The following PPFIA2 variants were observed in gnomAD, a reference collection of about 807,000 sequenced individuals.
PPFIA2 encodes PPFI scaffold protein A2.
In PPFIA2, 46 loss-of-function variants were observed where a neutral mutation model predicts 175.5. The observed-to-expected ratio is 0.26, with a 90% CI of 0.21 to 0.34. The LOEUF (loss-of-function observed/expected upper bound fraction) is 0.34. Ranked by LOEUF, PPFIA2 falls within the 10% of genes least tolerant of loss-of-function variation. The pLI, the probability that PPFIA2 is intolerant of heterozygous loss-of-function variation, is 1.00. For missense variants in PPFIA2, 1,179 were observed against 1,506.1 expected (o/e 0.78, Z 3.60); for synonymous variants, 568 against 511.4 (o/e 1.11, Z -1.49).
rs145068175 is a variant in PPFIA2 at position 81,480,758 on chromosome 12, T to C, written c.304-22892A>G. 1.4e-3 allele frequency among the ~76,000 whole-genome samples: 219 copies of C among 152,236 alleles called. 2 individuals are homozygous for C. The highest frequency in any genetic ancestry group is 4.4e-3 in the African/African-American group (182 of 41,550). ...CAGAGGAGGCTGCAGACAGCAAAGA[T>C]TGCTGCCTGTTCCTTCATCTGGAAG... On this transcript the variant is annotated intron_variant, in intron 4 of 32. Transcript: ENST00000549396.
intron 4 of PPFIA2, among the ~76,000 whole-genome samples, chr12:81,463,205 A>G (rs2054971022): frequency 1.3e-5 from 2 of 152,170 alleles, no homozygotes; most frequent in African/African-American, 4.8e-5. Flanking sequence ...TTTCAAAAAT[A>G]TAATTTTGAG....
At chr12:81,263,888 C>T (rs1052837799) in intron 30 of PPFIA2, among the ~76,000 whole-genome samples, 3 of 151,952 alleles carry the variant, frequency 2.0e-5, no homozygotes, top group Admixed American at 6.6e-5. Flanking sequence ...GACACTGTAG[C>T]CTATTATAAT....
chr12:81,331,156 T>C (rs2056040147), intron 21 of PPFIA2, among the ~76,000 whole-genome samples: 1 of 152,278 alleles, frequency 6.6e-6, no homozygotes, highest in Non-Finnish European at 1.5e-5. Context: ...GGGCTGCATT[T>C]ATGACAGTGT....
At chr12:81,288,061 T>G (rs1025395991) in intron 24 of PPFIA2, among the ~76,000 whole-genome samples, 1 of 151,814 alleles carries the variant, frequency 6.6e-6, no homozygotes, top group African/African-American at 2.4e-5. Context: ...TTATAAAATT[T>G]CAATTATATT....
intron 2 of PPFIA2, among the ~76,000 whole-genome samples, chr12:81,755,371 G>C (rs561578576): frequency 3.9e-4 from 59 of 152,058 alleles, no homozygotes; most frequent in Non-Finnish European, 7.8e-4. Flanking sequence ...TAGATGGCTT[G>C]GTTTTGCAAA....
At chr12:81,540,600 C>T (rs967076684) in intron 4 of PPFIA2, among the ~76,000 whole-genome samples, 3 of 151,918 alleles carry the variant, frequency 2.0e-5, no homozygotes, top group Non-Finnish European at 4.4e-5. Context: ...ATAAATGTAG[C>T]TCTTTAGGAG....
chr12:81,359,552 ACCTT>A (rs2061334324), intron 15 of PPFIA2, among the ~76,000 whole-genome samples: 1 of 151,846 alleles, frequency 6.6e-6, no homozygotes, highest in African/African-American at 2.4e-5. Flanking sequence ...GATTTTAGTC[ACCTT>A]CCTATGTCCA....
chr12:81,471,120 T>C (rs2056645253), intron 4 of PPFIA2: 1 of 143,842 alleles, frequency 7.0e-6, no homozygotes, highest in Non-Finnish European at 1.5e-5. Flanking sequence ...TATTTATTTA[T>C]TTATTTATTT....
intron 14 of PPFIA2, among the ~76,000 whole-genome samples, chr12:81,365,032 T>C (rs572629070): frequency 9.6e-4 from 145 of 151,832 alleles, no homozygotes; most frequent in Non-Finnish European, 1.9e-3. Context: ...ATAGAATATA[T>C]AAACTCTCTC....
intron 28 of PPFIA2, among the ~76,000 whole-genome samples, chr12:81,274,489 C>G (rs558359466): frequency 6.6e-6 from 1 of 152,008 alleles, no homozygotes; most frequent in African/African-American, 2.4e-5. Context: ...TTAATTCAAA[C>G]GTTTCCTCCT....
At chr12:81,675,157 CTAT>C (rs1399208132) in intron 4 of PPFIA2, among the ~76,000 whole-genome samples, 1 of 151,528 alleles carries the variant, frequency 6.6e-6, no homozygotes, top group Non-Finnish European at 1.5e-5. Flanking sequence ...AAAAATCTAT[CTAT>C]CTAAGTATAC....
At chr12:81,574,677 A>G (rs1345913673) in intron 4 of PPFIA2, among the ~76,000 whole-genome samples, 1 of 151,192 alleles carries the variant, frequency 6.6e-6, no homozygotes, top group African/African-American at 2.4e-5. Flanking sequence ...TGTAGTTACC[A>G]TGGTGTTTTT....
intron 3 of PPFIA2, among the ~76,000 whole-genome samples, chr12:81,682,309 C>T (rs1169465623): frequency 6.6e-6 from 1 of 151,936 alleles, no homozygotes; most frequent in African/African-American, 2.4e-5. Flanking sequence ...AGAGCACCCT[C>T]AGAAGAAATA....
At chr12:81,461,456 C>T (rs147699139) in intron 4 of PPFIA2, among the ~76,000 whole-genome samples, 15 of 152,210 alleles carry the variant, frequency 9.9e-5, no homozygotes, top group African/African-American at 3.4e-4. Context: ...CATTTGTTGA[C>T]CACTTACCAC....
chr12:81,752,759 C>T (rs940859956), intron 3 of PPFIA2, among the ~76,000 whole-genome samples: 1 of 152,100 alleles, frequency 6.6e-6, no homozygotes, highest in African/African-American at 2.4e-5. Context: ...ATCTTTGCTA[C>T]AAGCCATAAC....
intron 3 of PPFIA2, among the ~76,000 whole-genome samples, chr12:81,750,626 T>C (rs928302486): frequency 6.6e-6 from 1 of 152,142 alleles, no homozygotes. Context: ...TGGAATGATG[T>C]GAAATTATCA....
At chr12:81,541,209 G>A (rs553776111) in intron 4 of PPFIA2, among the ~76,000 whole-genome samples, 1 of 151,898 alleles carries the variant, frequency 6.6e-6, no homozygotes. Context: ...GAATCAGTTA[G>A]GCTGTTTCCA....
chr12:81,440,146 A>G, intron 6 of PPFIA2, 100 bp from the exon 7 acceptor site: 3 of 811,776 alleles, frequency 3.7e-6, no homozygotes, highest in Non-Finnish European at 5.6e-6. Flanking sequence ...CAATTTGGCA[A>G]ATTATTAAAG....
At chr12:81,311,819 G>T (rs1483615616) in intron 22 of PPFIA2, among the ~76,000 whole-genome samples, 1 of 151,914 alleles carries the variant, frequency 6.6e-6, no homozygotes, top group Non-Finnish European at 1.5e-5. Flanking sequence ...TACCTGAGTG[G>T]TCTCAAAGTA....
Sources: allele counts gnomAD v4.1 joint callset (sites outside exome capture counted in the v4.1 genomes callset), GRCh38; gene constraint gnomAD v4.1.1; transcripts MANE v1.5; gene names NCBI Gene and HGNC (gene_info 2026-07-23, HGNC 2026-07-21).